TRHDE: variants seen among roughly 807,000 people sequenced by gnomAD.
The protein encoded by TRHDE is thyrotropin-releasing hormone-degrading ectoenzyme.
TRHDE carries 72 observed loss-of-function variants against 125.7 expected under a neutral mutation model. That is an observed-to-expected ratio of 0.57 (90% CI 0.47 to 0.70). TRHDE has a LOEUF of 0.70. TRHDE is among the 30% of genes least tolerant of loss of function. The pLI is 0.00. For missense variants in TRHDE, 1,110 were observed against 1,327.1 expected (o/e 0.84, Z 2.54); for synonymous variants, 509 against 509.1 (o/e 1.00, Z 0.00).
chr12:72,218,312 C>A (rs1028979024), intron 2 of TRHDE, among the ~76,000 whole-genome samples: 12 of 152,128 alleles, frequency 7.9e-5, no homozygotes, highest in African/African-American at 2.9e-4. Flanking sequence ...TGATTACCAG[C>A]TCTCAGCTAA....
intron 6 of TRHDE, among the ~76,000 whole-genome samples, chr12:72,532,666 G>A (rs912057956): frequency 6.6e-6 from 1 of 151,050 alleles, no homozygotes; most frequent in African/African-American, 2.4e-5. Flanking sequence ...TAAACAATTT[G>A]TCTCCACTAT....
chr12:72,179,886 G>A (rs2139340700), intron 2 of TRHDE, among the ~76,000 whole-genome samples: 1 of 152,158 alleles, frequency 6.6e-6, no homozygotes, highest in East Asian at 1.9e-4. Flanking sequence ...GCGTCTACTT[G>A]TGATTCTTCT....
intron 2 of TRHDE, among the ~76,000 whole-genome samples, chr12:72,211,669 T>C (rs1445769850): frequency 6.6e-6 from 1 of 152,162 alleles, no homozygotes; most frequent in Non-Finnish European, 1.5e-5. Flanking sequence ...ACTGCTAGTC[T>C]TGAAGAATTC....
At chr12:72,639,988 C>T (rs1873970461) in intron 15 of TRHDE, among the ~76,000 whole-genome samples, 1 of 152,004 alleles carries the variant, frequency 6.6e-6, no homozygotes, top group South Asian at 2.1e-4. Context: ...AGAGGTGGAG[C>T]CTACAGAGGC....
In TRHDE at chr12:72,473,052, A is replaced by G. The variant is rs1477311442; in HGVS notation, c.1471-15A>G. 63 of 1,593,820 alleles carry G rather than the reference A, an allele frequency of 4.0e-5. No homozygotes were observed. Among genetic ancestry groups the G allele is most frequent in the Non-Finnish European group, 5.4e-5 (63 of 1,162,710 alleles). ...ATTTTATTTTATTTGATGACCATTA[A>G]TTTTGTTACTGCAGTGGTTTGGTGA... On this transcript the variant is annotated splice_polypyrimidine_tract_variant and intron_variant, in intron 4 of 18. Coordinates refer to ENST00000261180, the MANE Select transcript of TRHDE (RefSeq NM_013381.3).
At chr12:72,307,305 C>T (rs575731490) in intron 2 of TRHDE, among the ~76,000 whole-genome samples, 2 of 151,284 alleles carry the variant, frequency 1.3e-5, no homozygotes, top group South Asian at 2.1e-4. Flanking sequence ...GCCAGGATTA[C>T]AGGCATGCGC....
intron 3 of TRHDE, among the ~76,000 whole-genome samples, chr12:72,428,705 G>A (rs12304721): frequency 0.088 from 13,319 of 152,052 alleles, 703 homozygotes; most frequent in Admixed American, 0.14. Context: ...TGTAGTCATC[G>A]CCAGCAGAAT....
intron 12 of TRHDE, among the ~76,000 whole-genome samples, chr12:72,605,777 TAGA>T (rs375888396): frequency 3.9e-5 from 6 of 152,128 alleles, no homozygotes; most frequent in African/African-American, 1.4e-4. Flanking sequence ...ATGACACACA[TAGA>T]AGGTGTGTCC....
chr12:72,563,513 T>C (rs1870284590), intron 9 of TRHDE, among the ~76,000 whole-genome samples: 1 of 152,180 alleles, frequency 6.6e-6, no homozygotes. Flanking sequence ...GATCTAATGA[T>C]TAATGCCACT....
chr12:72,207,251 C>T (rs1007552368), intron 2 of TRHDE, among the ~76,000 whole-genome samples: 2 of 152,186 alleles, frequency 1.3e-5, no homozygotes, highest in African/African-American at 4.8e-5. Context: ...ACATAAGGTC[C>T]AGTCACATTA....
Position 72,282,693 on chromosome 12 carries a change from C to G in TRHDE, c.915-3988C>G, listed in dbSNP as rs760344901. Among the ~76,000 whole-genome samples, 20 of 152,204 alleles carry G rather than the reference C, an allele frequency of 1.3e-4. No homozygotes were observed. In the East Asian group the frequency reaches 3.3e-3, roughly 25 times the overall value. ...TGAAAACTTTATTGAAGGCTTGTTT[C>G]TGTGCTACCTGTAGTCAACTCACTC... On this transcript the variant is annotated intron_variant, in intron 1 of 18. Coordinates refer to ENST00000261180, the MANE Select transcript of TRHDE (RefSeq NM_013381.3).
intron 2 of TRHDE, among the ~76,000 whole-genome samples, chr12:72,181,573 T>C (rs1877097468): frequency 6.6e-6 from 1 of 152,242 alleles, no homozygotes; most frequent in African/African-American, 2.4e-5. Flanking sequence ...AATTTGAAGC[T>C]ATAAACCTAG....
chr12:72,543,090 T>C (rs922694004), intron 7 of TRHDE, among the ~76,000 whole-genome samples: 1 of 151,356 alleles, frequency 6.6e-6, no homozygotes, highest in African/African-American at 2.4e-5. Context: ...TTAAAGTAAA[T>C]TGATGTTCAC....
chr12:72,149,979 G>T (rs949647279), intron 2 of TRHDE, among the ~76,000 whole-genome samples: 4 of 151,942 alleles, frequency 2.6e-5, no homozygotes, highest in African/African-American at 9.7e-5. Context: ...AATAATACAG[G>T]TTCAAAGGCA....
intron 2 of TRHDE, among the ~76,000 whole-genome samples, chr12:72,363,082 G>T (rs934164256): frequency 2.0e-4 from 31 of 151,952 alleles, no homozygotes; most frequent in Non-Finnish European, 4.1e-4. Context: ...TTTAAAGTAG[G>T]TTTTTCCAGT....
At chr12:72,161,797 G>T (rs1256334559) in intron 2 of TRHDE, among the ~76,000 whole-genome samples, 1 of 152,216 alleles carries the variant, frequency 6.6e-6, no homozygotes, top group East Asian at 1.9e-4. Context: ...CCATATGGCA[G>T]ATTACAAAGG....
intron 3 of TRHDE, among the ~76,000 whole-genome samples, chr12:72,385,114 C>G (rs1291036815): frequency 6.6e-6 from 1 of 152,064 alleles, no homozygotes; most frequent in Non-Finnish European, 1.5e-5. Flanking sequence ...TGTTTTGTTA[C>G]TGGCCTAAAG....
chr12:72,363,971 C>T (rs974788505), intron 2 of TRHDE, among the ~76,000 whole-genome samples: 32 of 152,000 alleles, frequency 2.1e-4, no homozygotes, highest in Admixed American at 1.2e-3. Context: ...TTGTTATACA[C>T]CAATAACAGA....
chr12:72,125,279 G>A (rs1208278683), intron 2 of TRHDE, among the ~76,000 whole-genome samples: 2 of 151,778 alleles, frequency 1.3e-5, no homozygotes, highest in East Asian at 3.9e-4. Flanking sequence ...GGATCTTTGT[G>A]GTGCAAGAGG....
Sources: gnomAD v4.1 joint callset for allele counts (sites outside exome capture counted in the v4.1 genomes callset) on GRCh38, gnomAD v4.1.1 for gene constraint, MANE v1.5 for transcripts, NCBI Gene and HGNC (gene_info 2026-07-23, HGNC 2026-07-21) for gene names.